The following CLDND2 variants were observed in gnomAD, a reference collection of about 807,000 sequenced individuals.
CLDND2 encodes the protein claudin domain-containing protein 2.
A neutral mutation model predicts 17.7 loss-of-function variants in CLDND2; 18 were observed. The ratio of observed to expected loss-of-function variants is 1.02; its 90% CI spans 0.70 to 1.51. CLDND2 has a LOEUF of 1.51. Among genes scored for constraint, CLDND2 ranks in the 40% most tolerant of loss-of-function variants. The pLI is 0.00. For synonymous variants in CLDND2, 113 were observed against 93.0 expected (o/e 1.22, Z -1.24); for missense variants, 233 against 219.6 (o/e 1.06, Z -0.39).
Position 51,367,166 on chromosome 19 carries a change from G to A in CLDND2, c.480C>T (p.Ile160=). The A allele has an allele frequency of 6.2e-7, 1 of 1,614,254 alleles. No individual in the cohort carries two copies. The highest frequency in any genetic ancestry group is 1.7e-5 in the Admixed American group (1 of 60,034). The change falls in exon 4 of 4, where the codon ATC becomes ATT. Residue 160 remains isoleucine, a synonymous_variant. Coordinates refer to ENST00000291715, the MANE Select transcript of CLDND2 (RefSeq NM_152353.3). The surrounding 1 kb of genome is among the most constrained non-coding windows in gnomAD (Gnocchi z 7.4). ...GTCACAGACACACGGGGAATCCACT[G>A]ATGGCGTCGGTGCTCTGCATGATCA... is the stretch of plus-strand genomic sequence containing the variant. ...ADMIMQSTDA[I]SGFPVCL is the part of the protein sequence containing the mutation.
chr19:51,368,011 G>A lies in CLDND2; in HGVS notation c.185C>T (p.Thr62Ile), dbSNP rs558697101. The A allele has an allele frequency of 1.2e-6, 2 of 1,610,342 alleles. No individual in the cohort carries two copies. Among genetic ancestry groups the A allele is most frequent in the South Asian group, 2.2e-5 (2 of 90,716 alleles). Reference sequence around the variant, plus strand: ...CACCGCCAGCACCATGCACGCCACAGTCACCGCCAGCGTGGCTGGGGAGAG... The same window carrying A: ...CACCGCCAGCACCATGCACGCCACAATCACCGCCAGCGTGGCTGGGGAGAG... The part of the protein sequence containing the change: ...SIPCQTTLAV[T>I]VACMVLAVGV... Residue 62 changes from threonine (T) to isoleucine (I), a missense_variant, in exon 2 of 4, where the codon ACT (threonine) becomes ATT (isoleucine). By Grantham distance (89) the Thr-to-Ile change is moderately conservative. Transcript: ENST00000291715.
Position 51,367,193 on chromosome 19 carries a change from G to A in CLDND2, c.453C>T (p.Asp151=). Residue 151 remains aspartate (D), a synonymous_variant, in exon 4 of 4, where the codon GAC becomes GAT. Coordinates refer to ENST00000291715, the MANE Select transcript of CLDND2 (RefSeq NM_152353.3). This position sits in a 1 kb window ranked among gnomAD's most constrained non-coding sequence, Gnocchi z 7.4. ...TGGCGTCGGTGCTCTGCATGATCAT[G>A]TCTGCCAGCAGAAAGCAGAAGCCTG... The part of the protein sequence containing the change: ...ILAGFCFLLA[D]MIMQSTDAIS... The A allele has an allele frequency of 1.2e-6, 2 of 1,614,240 alleles. No individual in the cohort carries two copies. Among genetic ancestry groups the A allele is most frequent in the Non-Finnish European group, 1.7e-6 (2 of 1,180,032 alleles).
Position 51,368,594 on chromosome 19 carries a change from C to A in CLDND2, c.-17G>T, listed in dbSNP as rs747335411. 15 of 1,608,236 alleles carry A rather than the reference C, an allele frequency of 9.3e-6. No homozygotes were observed. Among genetic ancestry groups the A allele is most frequent in the Non-Finnish European group, 1.3e-5 (15 of 1,178,038 alleles). The stretch of plus-strand genomic sequence containing the variant: ...CACCCCCATGCCACTGAGGCTGCAG[C>A]CGGGGGCCACAAGGGCAGGATGGGC... On this transcript the variant is annotated 5_prime_UTR_variant, in exon 1 of 4. Coordinates refer to ENST00000291715, the MANE Select transcript of CLDND2 (RefSeq NM_152353.3).
Position 51,368,610 on chromosome 19 carries a change from C to T in CLDND2, c.-33G>A, listed in dbSNP as rs763026622. ...AGGCTGCAGCCGGGGGCCACAAGGG[C>T]AGGATGGGCCCAGGCCTTTCCTACC... On this transcript the variant is annotated 5_prime_UTR_variant, in exon 1 of 4. Transcript: ENST00000291715. 4.4e-5 allele frequency: 70 copies of T among 1,597,620 alleles called. No homozygotes were observed. Among genetic ancestry groups the T allele is most frequent in the Non-Finnish European group, 5.8e-5 (68 of 1,172,718 alleles).
In CLDND2 at chr19:51,368,485, C is replaced by T. The variant is rs746357149; in HGVS notation, c.93G>A (p.Trp31Ter). Residue 31 changes from tryptophan to a stop codon, truncating the protein, a stop_gained, in exon 1 of 4, where the codon TGG becomes TGA. Transcript: ENST00000291715. LOFTEE classifies it high-confidence loss of function. Reference protein sequence around the residue: ...LMVLSTATNYWTRQQEGHSGL... With the variant: ...LMVLSTATNY The stretch of plus-strand genomic sequence containing the variant: ...CACTGTGGCCCTCTTGTTGGCGGGT[C>T]CAGTAGTTGGTGGCCGTGGAGAGCA... 4.3e-6 allele frequency: 7 copies of T among 1,614,010 alleles called. No homozygotes were observed. The highest frequency in any genetic ancestry group is 2.2e-5 in the South Asian group (2 of 91,090).
At position 51,367,828 on chromosome 19, in the gene CLDND2, C is replaced by T. The variant is rs1986477945; in HGVS notation, c.310+58G>A. 2 of 1,584,190 alleles carry T rather than the reference C, an allele frequency of 1.3e-6. No homozygotes were observed. The highest frequency in any genetic ancestry group is 2.7e-5 in the African/African-American group (2 of 74,498). On this transcript the variant is annotated intron_variant, in intron 2 of 3. Transcript: ENST00000291715. The surrounding 1 kb of genome is among the most constrained non-coding windows in gnomAD (Gnocchi z 7.4). ...CAAGCCCCTCCCCTGGCGACCAGGCCCCTCCATCACCCAGGGCCCGCCCCT... is the reference window on the plus strand; with the variant it reads ...CAAGCCCCTCCCCTGGCGACCAGGCTCCTCCATCACCCAGGGCCCGCCCCT...
Position 51,367,617 on chromosome 19 carries a change from G to T in CLDND2, c.311-41C>A, listed in dbSNP as rs1435374450. 6.3e-7 allele frequency: 1 copy of T among 1,593,508 alleles called. No homozygotes were observed. The highest frequency in any genetic ancestry group is 8.6e-7 in the Non-Finnish European group (1 of 1,169,560). On this transcript the variant is annotated intron_variant, in intron 2 of 3. Coordinates refer to ENST00000291715, the MANE Select transcript of CLDND2 (RefSeq NM_152353.3). The surrounding 1 kb of genome is among the most constrained non-coding windows in gnomAD (Gnocchi z 7.4). ...CCGCAAGATGAGCTAGCTGGGCCTG[G>T]TGGGGGCTGCACCCAGGCCACGCCC...
In CLDND2 at chr19:51,367,357, C is replaced by G. The variant is rs1485348545; in HGVS notation, c.430+100G>C. On this transcript the variant is annotated intron_variant, in intron 3 of 3. Coordinates refer to ENST00000291715, the MANE Select transcript of CLDND2 (RefSeq NM_152353.3). This position sits in a 1 kb window ranked among gnomAD's most constrained non-coding sequence, Gnocchi z 7.4. ...AGTCGTTAGTGTGTTGGGGAGTCCC[C>G]GAGAGGTCCCCGGGGTTTCCTGGGA... The G allele has an allele frequency of 7.2e-7, 1 of 1,392,310 alleles. No homozygotes were observed. Among genetic ancestry groups the G allele is most frequent in the Admixed American group, 2.0e-5 (1 of 50,688 alleles). The allele number at this position is 1,392,310 out of a possible 1,614,324, so 86.2% of individuals were successfully genotyped here.
downstream of CLDND2, chr19:51,367,086 C>A: frequency 6.4e-7 from 1 of 1,564,976 alleles, no homozygotes. This position sits in a 1 kb window ranked among gnomAD's most constrained non-coding sequence, Gnocchi z 7.4. Flanking sequence ...GAAAAGCACG[C>A]GGAGCCGCAG....
Position 51,367,282 on chromosome 19 carries a change from C to A in CLDND2, c.431-67G>T. ...CCTGGGGCGGATGGCCGGGAGGGCCCCGGGGACTGGGGTTTGGGGCTCCAA... is the reference window on the plus strand; with the variant it reads ...CCTGGGGCGGATGGCCGGGAGGGCCACGGGGACTGGGGTTTGGGGCTCCAA... On this transcript the variant is annotated intron_variant, in intron 3 of 3. Transcript: ENST00000291715. The surrounding 1 kb of genome is among the most constrained non-coding windows in gnomAD (Gnocchi z 7.4). 6.4e-7 allele frequency: 1 copy of A among 1,553,558 alleles called. No homozygotes were observed. The highest frequency in any genetic ancestry group is 2.3e-5 in the East Asian group (1 of 44,398).
rs541798566 is a variant in CLDND2, at chr19:51,368,083, G to T, written c.170-57C>A. On this transcript the variant is annotated intron_variant, in intron 1 of 3. Coordinates refer to ENST00000291715, the MANE Select transcript of CLDND2 (RefSeq NM_152353.3). ...GCGCCGCCCCAGTCACTACGGGTTC[G>T]GCCGCAACCGGAAGCTCTCCCGTCT... The T allele has an allele frequency of 4.6e-5, 70 of 1,518,030 alleles. 1 individual carries two copies. The African/African-American group carries it at 8.7e-4, about 19-fold the overall frequency. 94.0% of individuals were successfully genotyped at this position (1,518,030 alleles called of 1,614,324 possible).
In CLDND2 at chr19:51,367,453, TTAC is replaced by T. The variant is rs562077843; in HGVS notation, c.430+1_430+3del. On this transcript the variant is annotated splice_donor_variant and splice_donor_region_variant and intron_variant, in intron 3 of 3. Coordinates refer to ENST00000291715, the MANE Select transcript of CLDND2 (RefSeq NM_152353.3). LOFTEE classifies it high-confidence loss of function. This position sits in a 1 kb window ranked among gnomAD's most constrained non-coding sequence, Gnocchi z 7.4. Reference sequence around the variant, plus strand: ...CTCCACCCTCTTCCCGCTGTCCAGTTTACCCGCGAGAATTGAGAAGGGTAAGGC... The same window carrying T: ...CTCCACCCTCTTCCCGCTGTCCAGTTCCGCGAGAATTGAGAAGGGTAAGGC... The T allele has an allele frequency of 1.9e-4, 301 of 1,596,268 alleles. 5 individuals are homozygous for T. In the South Asian group the frequency reaches 3.3e-3, roughly 17 times the overall value.
rs114975292 is a variant in CLDND2, at chr19:51,367,457, C to A, written c.430G>T (p.Gly144Cys). The change falls in exon 3 of 4, where the codon GGC becomes TGC. Residue 144 changes from glycine to cysteine, a missense_variant and splice_region_variant. Physicochemically the swap from Gly to Cys is radical, Grantham distance 159 (BLOSUM62 -3). Coordinates refer to ENST00000291715, the MANE Select transcript of CLDND2 (RefSeq NM_152353.3). The surrounding 1 kb of genome is among the most constrained non-coding windows in gnomAD (Gnocchi z 7.4). The stretch of plus-strand genomic sequence containing the variant: ...ACCCTCTTCCCGCTGTCCAGTTTAC[C>A]CGCGAGAATTGAGAAGGGTAAGGCC... The part of the protein sequence containing the change: ...WLALPFSILA[G>C]FCFLLADMIM... 285 of 1,597,372 alleles carry A rather than the reference C, an allele frequency of 1.8e-4. 2 individuals carry two copies. In the African/African-American group the frequency reaches 3.6e-3, roughly 20 times the overall value.
rs1281831199 is a variant in CLDND2, at chr19:51,367,692, G to GC, written c.311-117dup. On this transcript the variant is annotated intron_variant, in intron 2 of 3. Transcript: ENST00000291715. The surrounding 1 kb of genome is among the most constrained non-coding windows in gnomAD (Gnocchi z 7.4). ...GACCACGCCTATCGCCTCTCAGCCC[G>GC]CCCCTGGCCCAGGCCCCTTCCTGCT... 6.7e-7 allele frequency: 1 copy of GC among 1,491,228 alleles called. No individual in the cohort carries two copies. Among genetic ancestry groups the GC allele is most frequent in the African/African-American group, 1.4e-5 (1 of 70,840 alleles). 92.4% of individuals were successfully genotyped at this position (1,491,228 alleles called of 1,614,324 possible).
Position 51,367,621 on chromosome 19 carries a change from G to A in CLDND2, c.311-45C>T. Reference sequence around the variant, plus strand: ...AAGATGAGCTAGCTGGGCCTGGTGGGGGCTGCACCCAGGCCACGCCCCTTC... The same window carrying A: ...AAGATGAGCTAGCTGGGCCTGGTGGAGGCTGCACCCAGGCCACGCCCCTTC... On this transcript the variant is annotated intron_variant, in intron 2 of 3. Coordinates refer to ENST00000291715, the MANE Select transcript of CLDND2 (RefSeq NM_152353.3). The surrounding 1 kb of genome is among the most constrained non-coding windows in gnomAD (Gnocchi z 7.4). The A allele has an allele frequency of 6.3e-7, 1 of 1,588,692 alleles. No homozygotes were observed. Among genetic ancestry groups the A allele is most frequent in the Non-Finnish European group, 8.6e-7 (1 of 1,167,318 alleles).
In CLDND2 at chr19:51,367,149, C is replaced by G; in HGVS notation, c.497G>C (p.Cys166Ser). ...GCCCCAGGCAGGCTGCAGTCACAGA[C>G]ACACGGGGAATCCACTGATGGCGTC... The part of the protein sequence containing the change: ...STDAISGFPV[C>S]L The change falls in exon 4 of 4, where the codon TGT becomes TCT. Residue 166 changes from cysteine to serine, a missense_variant. Transcript: ENST00000291715. The surrounding 1 kb of genome is among the most constrained non-coding windows in gnomAD (Gnocchi z 7.4). 12 of 1,614,218 alleles carry G rather than the reference C, an allele frequency of 7.4e-6. No individual in the cohort carries two copies. The highest frequency in any genetic ancestry group is 1.0e-5 in the Non-Finnish European group (12 of 1,180,014).
rs1986463757 is a variant in CLDND2, at chr19:51,367,662, T to A, written c.311-86A>T. ...ACGCCCCTTCAGACCCGCCCCCTTC[T>A]ATCAGACCACGCCTATCGCCTCTCA... On this transcript the variant is annotated intron_variant, in intron 2 of 3. Transcript: ENST00000291715. The surrounding 1 kb of genome is among the most constrained non-coding windows in gnomAD (Gnocchi z 7.4). The A allele has an allele frequency of 6.6e-7, 1 of 1,526,538 alleles. No individual in the cohort carries two copies. The highest frequency in any genetic ancestry group is 8.8e-7 in the Non-Finnish European group (1 of 1,136,212). The allele number at this position is 1,526,538 out of a possible 1,614,324, so 94.6% of individuals were successfully genotyped here. A position where few individuals can be genotyped will look rare whatever the true frequency, so the allele number is the denominator to read the frequency against.
At position 51,367,999 on chromosome 19, in the gene CLDND2, A is replaced by G. The variant is rs749220517; in HGVS notation, c.197T>C (p.Met66Thr). 6.2e-7 allele frequency: 1 copy of G among 1,611,986 alleles called. No individual in the cohort carries two copies. Among genetic ancestry groups the G allele is most frequent in the Non-Finnish European group, 8.5e-7 (1 of 1,179,204 alleles). ...QTTLAVTVAC[M>T]VLAVGVGVVG... ...CACGCCGACACCCACCGCCAGCACC[A>G]TGCACGCCACAGTCACCGCCAGCGT... is the stretch of plus-strand genomic sequence containing the variant. Residue 66 changes from methionine (M) to threonine (T), a missense_variant, in exon 2 of 4, where the codon ATG becomes ACG. Transcript: ENST00000291715. The surrounding 1 kb of genome is among the most constrained non-coding windows in gnomAD (Gnocchi z 7.4).
chr19:51,368,155 G>T, intron 1 of CLDND2, 129 bp from the exon 2 acceptor site: 1 of 1,078,452 alleles, frequency 9.3e-7, no homozygotes, highest in Non-Finnish European at 1.3e-6. Context: ...TCCACCGACC[G>T]GGAGTCAGGC....
Sources: gnomAD v4.1 joint callset for allele counts on GRCh38, gnomAD v4.1.1 for gene constraint, Gnocchi (gnomAD v3.1) non-coding constraint, MANE v1.5 for transcripts, NCBI Gene and HGNC (gene_info 2026-07-23, HGNC 2026-07-21) for gene names.